Variants in RBM42 observed in about 807,000 individuals in gnomAD.
RBM42 encodes RNA binding motif protein 42.
Under a neutral mutation model 41.4 loss-of-function variants are expected in RBM42, and 21 were observed. The observed-to-expected ratio is 0.51, with a 90% confidence interval of 0.36 to 0.73. The LOEUF is 0.73. Among genes scored for constraint, RBM42 ranks in the 30% least tolerant of loss-of-function variants. The pLI is 0.00. For missense variants in RBM42, 539 were observed against 680.4 expected, an observed-to-expected ratio of 0.79 and a Z score of 2.31; for synonymous variants, 272 against 271.2, an observed-to-expected ratio of 1.00 and a Z score of -0.03.
intron 4 of RBM42, chr19:35,631,673 A>G: frequency 1.9e-6 from 1 of 524,452 alleles, no homozygotes; most frequent in Non-Finnish European, 3.4e-6. Context: ...ATAATTTCTT[A>G]TTTACTATGG....
chr19:35,633,145 G>C lies in RBM42; in HGVS notation c.577G>C (p.Val193Leu). The change falls in exon 6 of 10, where the codon GTG becomes CTG. Residue 193 changes from valine (V) to leucine (L), a missense_variant. Around this residue, in one of 2 missense-constraint regions of RBM42, gnomAD observed 429 missense variants for 488.9 expected, o/e 0.88. Coordinates refer to ENST00000262633, the MANE Select transcript of RBM42 (RefSeq NM_024321.5). ...CCTACGGCCCCCTCACCAGGCCCTC[G>C]TGGGCCCCCCTCTGCCTGGGCCCCC... The part of the protein sequence containing the change: ...MALRPPHQAL[V>L]GPPLPGPPGP... The C allele has an allele frequency of 6.3e-7, 1 of 1,576,132 alleles. No individual in the cohort carries two copies. The highest frequency in any genetic ancestry group is 1.1e-5 in the South Asian group (1 of 90,384).
rs1967433301 is a variant in RBM42, at chr19:35,633,085, C to G, written c.517C>G (p.Leu173Val). 1.9e-6 allele frequency: 3 copies of G among 1,612,896 alleles called. No homozygotes were observed. Among genetic ancestry groups the G allele is most frequent in the Non-Finnish European group, 2.5e-6 (3 of 1,178,900 alleles). The change falls in exon 6 of 10, where the codon CTC becomes GTC. Residue 173 changes from leucine (L) to valine (V), a missense_variant. Physicochemically the swap from Leu to Val is conservative, Grantham distance 32. Coordinates refer to ENST00000262633, the MANE Select transcript of RBM42 (RefSeq NM_024321.5). ...CACTAACACCCTGACAGATTCCGCT[C>G]TCTCCTCTGCAGCAGCCGGCCCCCG... ...PHVLQRADSALSSAAAGPRPM... is the reference protein window; with the variant it reads ...PHVLQRADSAVSSAAAGPRPM...
At chr19:35,633,294 C>T (rs764097538) in intron 6 of RBM42, 42 bp downstream of exon 6, 20 of 1,461,732 alleles carry the variant, frequency 1.4e-5, no homozygotes, top group South Asian at 1.1e-4. Flanking sequence ...GTGCGGTGGA[C>T]GGGGAGACCA....
In RBM42 at chr19:35,630,251, T is replaced by G. The variant is rs373450410; in HGVS notation, c.282+578T>G. ...ATCGCTTGAACCCAGGAAGCGGAGG[T>G]TGCAGTGAGCTGAGATTGCGCCACT... On this transcript the variant is annotated intron_variant, in intron 2 of 9. Transcript: ENST00000262633. Among the ~76,000 whole-genome samples, 57 of 150,872 alleles carry G rather than the reference T, an allele frequency of 3.8e-4. No individual in the cohort carries two copies. The East Asian group carries it at 8.2e-3, about 22-fold the overall frequency.
chr19:35,637,415 C>A lies in RBM42; in HGVS notation c.1331-27C>A, dbSNP rs369376186. ...GGCGCTGGCCTAAGCCTGACCCGAG[C>A]CTGCCTTGAACCCTCTGTCTCCACA... On this transcript the variant is annotated intron_variant, in intron 9 of 9. Transcript: ENST00000262633. This position sits in a 1 kb window ranked among gnomAD's most constrained non-coding sequence, Gnocchi z 7.0. 1 of 1,613,230 alleles carries A rather than the reference C, an allele frequency of 6.2e-7. No homozygotes were observed. Among genetic ancestry groups the A allele is most frequent in the East Asian group, 2.2e-5 (1 of 44,862 alleles).
intron 4 of RBM42, 50 bp downstream of exon 4, chr19:35,631,455 C>A: frequency 6.5e-7 from 1 of 1,546,062 alleles, no homozygotes; most frequent in Non-Finnish European, 8.9e-7. Flanking sequence ...CTCTTGTTTA[C>A]ATGACTTCAG....
Position 35,631,160 on chromosome 19 carries a change from C to G in RBM42, c.303C>G (p.Ala101=). 6.2e-7 allele frequency: 1 copy of G among 1,614,146 alleles called. No individual in the cohort carries two copies. The highest frequency in any genetic ancestry group is 8.5e-7 in the Non-Finnish European group (1 of 1,180,036). The change falls in exon 3 of 10, where the codon GCC becomes GCG. Residue 101 remains alanine, a synonymous_variant. Transcript: ENST00000262633. ...TYQQVQQTLE[A]RAAAAATVVP... Reference sequence around the variant, plus strand: ...GACAGGTCCAGCAGACTCTGGAGGCCCGAGCAGCTGCTGCAGCCACAGTAG... The same window carrying G: ...GACAGGTCCAGCAGACTCTGGAGGCGCGAGCAGCTGCTGCAGCCACAGTAG...
chr19:35,633,831 C>A lies in RBM42; in HGVS notation c.829C>A (p.Pro277Thr), dbSNP rs539216925. The A allele has an allele frequency of 3.5e-5, 54 of 1,552,236 alleles. 1 individual carries two copies. In the South Asian group the frequency reaches 5.9e-4, roughly 17 times the overall value. Residue 277 changes from proline (P) to threonine (T), a missense_variant, in exon 7 of 10, where the codon CCT (proline) becomes ACT (threonine). Coordinates refer to ENST00000262633, the MANE Select transcript of RBM42 (RefSeq NM_024321.5). ...GGGGGCAGGAGGTGCCCCAGCTGGC[C>A]CTGCAGTCATTGGGCCCAGCCTGCC... ...AVGAGGAPAG[P>T]AVIGPSLPLA...
At chr19:35,631,093 A>T (rs777392935) in intron 2 of RBM42, 47 bp from the exon 3 acceptor site, 1 of 1,536,072 alleles carries the variant, frequency 6.5e-7, no homozygotes, top group South Asian at 1.1e-5. Flanking sequence ...GCCGCAGCAG[A>T]TGGGAATGCT....
chr19:35,634,644 C>T (rs146107938), intron 8 of RBM42, among the ~76,000 whole-genome samples: 1 of 151,234 alleles, frequency 6.6e-6, no homozygotes, highest in East Asian at 1.9e-4. Flanking sequence ...TTTCCCAACT[C>T]TTAGGATAAA....
In RBM42 at chr19:35,633,110, G is replaced by A. The variant is rs774793623; in HGVS notation, c.542G>A (p.Arg181His). Residue 181 changes from arginine to histidine, a missense_variant, in exon 6 of 10, where the codon CGC (arginine) becomes CAC (histidine). Transcript: ENST00000262633. ...SALSSAAAGP[R>H]PMALRPPHQA... ...CTCTCCTCTGCAGCAGCCGGCCCCCGCCCTATGGCCCTACGGCCCCCTCAC... is the reference window on the plus strand; with the variant it reads ...CTCTCCTCTGCAGCAGCCGGCCCCCACCCTATGGCCCTACGGCCCCCTCAC... 36 of 1,610,416 alleles carry A rather than the reference G, an allele frequency of 2.2e-5. No homozygotes were observed. The highest frequency in any genetic ancestry group is 2.8e-5 in the Non-Finnish European group (33 of 1,176,964).
In RBM42 at chr19:35,637,637, C is replaced by T; in HGVS notation, c.*83C>T. ...TCTTTGGAAAACCCCCAGCTGTCCACCCATCCCCTGCCCCAAAACCAGTTT... is the reference window on the plus strand; with the variant it reads ...TCTTTGGAAAACCCCCAGCTGTCCATCCATCCCCTGCCCCAAAACCAGTTT... On this transcript the variant is annotated 3_prime_UTR_variant, in exon 10 of 10. Transcript: ENST00000262633. This position sits in a 1 kb window ranked among gnomAD's most constrained non-coding sequence, Gnocchi z 7.0. The T allele has an allele frequency of 9.6e-7, 1 of 1,039,222 alleles. No homozygotes were observed. The highest frequency in any genetic ancestry group is 1.4e-6 in the Non-Finnish European group (1 of 698,624). 64.4% of individuals were successfully genotyped at this position (1,039,222 alleles called of 1,614,324 possible). A position where few individuals can be genotyped will look rare whatever the true frequency, so the allele number is the denominator to read the frequency against.
At position 35,633,231 on chromosome 19, in the gene RBM42, G is replaced by A. The variant is rs1302767501; in HGVS notation, c.663G>A (p.Met221Ile). 1.3e-6 allele frequency: 2 copies of A among 1,598,308 alleles called. No individual in the cohort carries two copies. ...ARAPGPPLGS[M>I]AALRPPLEEP... is the part of the protein sequence containing the mutation. ...CTCCAGGGCCCCCGCTGGGCTCCAT[G>A]GCTGCACTGAGGCCCCCTCTGGTGA... The change falls in exon 6 of 10, where the codon ATG (methionine) becomes ATA (isoleucine). Residue 221 changes from methionine (M) to isoleucine (I), a missense_variant. Coordinates refer to ENST00000262633, the MANE Select transcript of RBM42 (RefSeq NM_024321.5).
intron 2 of RBM42, among the ~76,000 whole-genome samples, chr19:35,629,996 G>A (rs192033580): frequency 2.0e-5 from 3 of 152,312 alleles, no homozygotes; most frequent in African/African-American, 7.2e-5. Context: ...GACTAGTAGA[G>A]AAAGAGAGAG....
chr19:35,633,956 G>A lies in RBM42; in HGVS notation c.954G>A (p.Leu318=), dbSNP rs747091138. The change falls in exon 7 of 10, where the codon CTG becomes CTA. Residue 318 remains leucine (L), a synonymous_variant. Transcript: ENST00000262633. The part of the protein sequence containing the change: ...LLPPLRIPEL[L]SLRPRPRPPR... The stretch of plus-strand genomic sequence containing the variant: ...CCCCGCTGCGCATTCCTGAACTCCT[G>A]TCCCTGCGTCCTCGGCCCCGGCCCC... 1.2e-5 allele frequency: 19 copies of A among 1,562,234 alleles called. No individual in the cohort carries two copies. Among genetic ancestry groups the A allele is most frequent in the Non-Finnish European group, 1.6e-5 (18 of 1,159,712 alleles).
In RBM42 at chr19:35,629,642, G is replaced by T. The variant is rs770913769; in HGVS notation, c.251G>T (p.Arg84Leu). 2 of 1,614,158 alleles carry T rather than the reference G, an allele frequency of 1.2e-6. No individual in the cohort carries two copies. The highest frequency in any genetic ancestry group is 1.7e-6 in the Non-Finnish European group (2 of 1,180,036). Residue 84 changes from arginine to leucine, a missense_variant, in exon 2 of 10, where the codon CGC becomes CTC. Around this residue, in one of 2 missense-constraint regions of RBM42, gnomAD observed 429 missense variants for 488.9 expected, o/e 0.88. Coordinates refer to ENST00000262633, the MANE Select transcript of RBM42 (RefSeq NM_024321.5). Reference protein sequence around the residue: ...AMQVPAAPVIRPIIATNTYQQ... With the variant: ...AMQVPAAPVILPIIATNTYQQ... ...CAGGTCCCAGCGGCTCCTGTGATCC[G>T]CCCAATTATCGCGACCAACACATAC...
At chr19:35,633,627 G>C in intron 6 of RBM42, 60 bp from the exon 7 acceptor site, 1 of 1,370,242 alleles carries the variant, frequency 7.3e-7, no homozygotes, top group South Asian at 1.8e-5. Context: ...ATGGAATGGA[G>C]ATGACAGTAA....
Position 35,633,917 on chromosome 19 carries a change from C to T in RBM42, c.915C>T (p.Val305=). Residue 305 remains valine (V), a synonymous_variant, in exon 7 of 10, where the codon GTC becomes GTT. Coordinates refer to ENST00000262633, the MANE Select transcript of RBM42 (RefSeq NM_024321.5). ...CCCTGCCCCTCCCGTTGGAGGTCGT[C>T]CGCGGCCTCCTGCCCCCGCTGCGCA... ...PEPLPLPLEV[V]RGLLPPLRIP... 1.3e-6 allele frequency: 2 copies of T among 1,591,434 alleles called. No individual in the cohort carries two copies. The highest frequency in any genetic ancestry group is 1.7e-6 in the Non-Finnish European group (2 of 1,173,282).
chr19:35,631,338 TG>T lies in RBM42; in HGVS notation c.377del (p.Gly126AlafsTer80). Reference protein sequence around the residue: ...GPPFVGPVGFGPGDRSHLDSP... With the variant: ...GPPFVGPVGFXPGDRSHLDSP... Reference sequence around the variant, plus strand: ...CCTCTCCCCTCCCAACAGTTGGCTTTGGCCCTGGTGATCGGAGTCACCTGGA... The same window carrying T: ...CCTCTCCCCTCCCAACAGTTGGCTTTGCCCTGGTGATCGGAGTCACCTGGA... On this transcript the variant is annotated frameshift_variant, in exon 4 of 10. Coordinates refer to ENST00000262633, the MANE Select transcript of RBM42 (RefSeq NM_024321.5). LOFTEE classifies it high-confidence loss of function. 6.2e-7 allele frequency: 1 copy of T among 1,614,206 alleles called. No individual in the cohort carries two copies. The highest frequency in any genetic ancestry group is 8.5e-7 in the Non-Finnish European group (1 of 1,180,024).
Sources: gnomAD v4.1 joint callset for allele counts (sites outside exome capture counted in the v4.1 genomes callset) on GRCh38, gnomAD v4.1.1 for gene constraint, gnomAD v4.1.1 regional missense constraint, Gnocchi (gnomAD v3.1) non-coding constraint, MANE v1.5 for transcripts, NCBI Gene and HGNC (gene_info 2026-07-23, HGNC 2026-07-21) for gene names.